Variants in GRIK1 observed in about 807,000 individuals in gnomAD.
GRIK1 encodes the protein glutamate receptor ionotropic, kainate 1.
Under a neutral mutation model 105.7 loss-of-function variants are expected in GRIK1, and 69 were observed. The ratio of observed to expected loss-of-function variants is 0.65; its 90% confidence interval spans 0.54 to 0.80. GRIK1 has a LOEUF of 0.80. GRIK1 is among the 30% of genes least tolerant of loss of function. GRIK1 has a pLI of 0.00. For missense variants in GRIK1, 1,109 were observed against 1,167.3 expected (o/e 0.95, Z 0.73); for synonymous variants, 438 against 431.3 (o/e 1.02, Z -0.19).
chr21:29,596,548 T>A lies in GRIK1; in HGVS notation c.1229A>T (p.His410Leu). Residue 410 changes from histidine to leucine, a missense_variant, in exon 9 of 18, where the codon CAC becomes CTC. By Grantham distance (99) the His-to-Leu change is moderately conservative. Around this residue, in one of 5 missense-constraint regions of GRIK1, gnomAD observed 612 missense variants for 586.0 expected, o/e 1.04. Coordinates refer to ENST00000327783, the MANE Select transcript of GRIK1 (RefSeq NM_001330994.2). ...TEKAAGEVSK[H>L]LYKVWKKIGI... Reference sequence around the variant, plus strand: ...AACCTTCTTCCACACTTTATACAAGTGTTTAGACACTTCGCCAGCAGCCTT... The same window carrying A: ...AACCTTCTTCCACACTTTATACAAGAGTTTAGACACTTCGCCAGCAGCCTT... 6.2e-7 allele frequency: 1 copy of A among 1,610,420 alleles called. No individual in the cohort carries two copies. The highest frequency in any genetic ancestry group is 8.5e-7 in the Non-Finnish European group (1 of 1,176,648).
At chr21:29,905,171 A>C (rs1281646346) in intron 1 of GRIK1, among the ~76,000 whole-genome samples, 2 of 152,188 alleles carry the variant, frequency 1.3e-5, no homozygotes, top group Non-Finnish European at 2.9e-5. Context: ...TTGCTGACTG[A>C]GTGGGGCCAA....
intron 6 of GRIK1, among the ~76,000 whole-genome samples, chr21:29,648,426 T>G (rs1390323744): frequency 6.6e-6 from 1 of 152,232 alleles, no homozygotes; most frequent in African/African-American, 2.4e-5. Flanking sequence ...TTATAGGAAC[T>G]CTCTGCACTT....
rs188154398 is a variant in GRIK1 at position 29,909,780 on chromosome 21, G to A, written c.118+29603C>T. Among the ~76,000 whole-genome samples, 17 of 152,312 alleles carry A rather than the reference G, an allele frequency of 1.1e-4. No homozygotes were observed. In the East Asian group the frequency reaches 2.3e-3, roughly 21 times the overall value. ...CACATGGGCATTTACCAAGGAATCC[G>A]CAGAGAAGCGGAGAGAGCCTGGGCG... On this transcript the variant is annotated intron_variant, in intron 1 of 17. Coordinates refer to ENST00000327783, the MANE Select transcript of GRIK1 (RefSeq NM_001330994.2).
At chr21:29,687,857 G>C (rs551423437) in intron 3 of GRIK1, among the ~76,000 whole-genome samples, 2 of 152,112 alleles carry the variant, frequency 1.3e-5, no homozygotes, top group Non-Finnish European at 2.9e-5. Context: ...TTAAATCCAC[G>C]AGTTTCAATA....
At chr21:29,561,425 A>G (rs938808889) in intron 15 of GRIK1, among the ~76,000 whole-genome samples, 199 bp downstream of exon 15, 2 of 152,254 alleles carry the variant, frequency 1.3e-5, no homozygotes, top group Non-Finnish European at 2.9e-5. Context: ...CACACTGGTT[A>G]AAAGTATATT....
intron 1 of GRIK1, among the ~76,000 whole-genome samples, chr21:29,893,237 T>C (rs1800548703): frequency 6.6e-6 from 1 of 152,236 alleles, no homozygotes. Flanking sequence ...CATCTTAGGT[T>C]TGAATCCTGG....
intron 1 of GRIK1, among the ~76,000 whole-genome samples, chr21:29,803,899 T>C (rs562667948): frequency 3.3e-5 from 5 of 152,212 alleles, no homozygotes; most frequent in South Asian, 2.1e-4. Flanking sequence ...TTATTTCTAG[T>C]TGGGGTCTGT....
chr21:29,806,355 G>A (rs1020934922), intron 1 of GRIK1, among the ~76,000 whole-genome samples: 2 of 151,582 alleles, frequency 1.3e-5, no homozygotes, highest in South Asian at 4.2e-4. Flanking sequence ...AAGTTACAAA[G>A]CTTTTTTTTT....
chr21:29,809,184 G>C (rs1315357621), intron 1 of GRIK1, among the ~76,000 whole-genome samples: 2 of 152,102 alleles, frequency 1.3e-5, no homozygotes, highest in Non-Finnish European at 2.9e-5. Context: ...TGCTGCTCCA[G>C]GTTAAGACTG....
chr21:29,928,340 T>C (rs1302103108), intron 1 of GRIK1, among the ~76,000 whole-genome samples: 1 of 152,176 alleles, frequency 6.6e-6, no homozygotes, highest in African/African-American at 2.4e-5. Flanking sequence ...AGGGCTGAGA[T>C]AGACATGTGA....
At chr21:29,825,953 T>A (rs183894578) in intron 1 of GRIK1, among the ~76,000 whole-genome samples, 2 of 152,092 alleles carry the variant, frequency 1.3e-5, no homozygotes, top group African/African-American at 4.8e-5. Flanking sequence ...AATTTCTGCT[T>A]CTTTTAGAAT....
chr21:29,591,181 G>T lies in GRIK1; in HGVS notation c.1296C>A (p.Ser432Arg), dbSNP rs1318068178. The T allele has an allele frequency of 6.2e-7, 1 of 1,611,234 alleles. No homozygotes were observed. Among genetic ancestry groups the T allele is most frequent in the Admixed American group, 1.7e-5 (1 of 60,008 alleles). Reference sequence around the variant, plus strand: ...TGATATTGCTGGACTTGTCTTTGTTGCTGTCCGTCATGTTAAGCCCACTGT... The same window carrying T: ...TGATATTGCTGGACTTGTCTTTGTTTCTGTCCGTCATGTTAAGCCCACTGT... ...NSNSGLNMTD[S>R]NKDKSSNITD... Residue 432 changes from serine to arginine, a missense_variant, in exon 10 of 18, where the codon AGC becomes AGA. By Grantham distance (110) the Ser-to-Arg change is moderately radical (BLOSUM62 -1). Transcript: ENST00000327783.
At chr21:29,548,534 G>A (rs950576321) in intron 16 of GRIK1, among the ~76,000 whole-genome samples, 1 of 146,834 alleles carries the variant, frequency 6.8e-6, no homozygotes, top group Non-Finnish European at 1.5e-5. Flanking sequence ...ATACCATTTG[G>A]CACTGTTAGA....
intron 1 of GRIK1, among the ~76,000 whole-genome samples, chr21:29,741,059 C>T (rs2064914270): frequency 6.6e-6 from 1 of 152,224 alleles, no homozygotes; most frequent in Non-Finnish European, 1.5e-5. Flanking sequence ...AATCCTCAGA[C>T]ACCTGGTTAA....
chr21:29,885,702 T>C (rs1379283603), intron 1 of GRIK1, among the ~76,000 whole-genome samples: 1 of 152,096 alleles, frequency 6.6e-6, no homozygotes, highest in Non-Finnish European at 1.5e-5. Context: ...GCAACATTTT[T>C]CTAACAAGGA....
intron 4 of GRIK1, among the ~76,000 whole-genome samples, chr21:29,660,021 A>AGCT (rs1842888041): frequency 6.6e-6 from 1 of 152,164 alleles, no homozygotes; most frequent in African/African-American, 2.4e-5. Flanking sequence ...CCTCACTGCC[A>AGCT]GCTGCCTCTT....
intron 14 of GRIK1, among the ~76,000 whole-genome samples, chr21:29,572,240 C>T (rs1425000955): frequency 6.6e-6 from 1 of 152,134 alleles, no homozygotes; most frequent in African/African-American, 2.4e-5. Flanking sequence ...CGCTTTCTGA[C>T]AGCTTACCAT....
At position 29,830,363 on chromosome 21, in the gene GRIK1, T is replaced by A. The variant is rs388029; in HGVS notation, c.118+109020A>T. Among the ~76,000 whole-genome samples the A allele has an allele frequency of 2.3e-3, 106 of 45,426 alleles. 2 individuals are homozygous for A. The East Asian group carries it at 0.024, about 10-fold the overall frequency. 29.8% of individuals were successfully genotyped at this position (45,426 alleles called of 152,430 possible). A position where few individuals can be genotyped will look rare whatever the true frequency, so the allele number is the denominator to read the frequency against. ...CACACACACACACACACACACACAC[T>A]CACACACATATTCTTATACAAAACA... On this transcript the variant is annotated intron_variant, in intron 1 of 17. Coordinates refer to ENST00000327783, the MANE Select transcript of GRIK1 (RefSeq NM_001330994.2).
intron 1 of GRIK1, among the ~76,000 whole-genome samples, chr21:29,877,657 G>T (rs1338799858): frequency 1.3e-5 from 2 of 152,094 alleles, no homozygotes; most frequent in African/African-American, 4.8e-5. Context: ...CTTTTATGTT[G>T]TCAGTATTGT....
Sources: gnomAD v4.1 joint callset for allele counts (sites outside exome capture counted in the v4.1 genomes callset) on GRCh38, gnomAD v4.1.1 for gene constraint, gnomAD v4.1.1 regional missense constraint, MANE v1.5 for transcripts, NCBI Gene and HGNC (gene_info 2026-07-23, HGNC 2026-07-21) for gene names.